The following NUBP1 variants were observed in gnomAD, a reference collection of about 807,000 sequenced individuals.
NUBP1 encodes the protein cytosolic Fe-S cluster assembly factor NUBP1.
Under a neutral mutation model 41.8 loss-of-function variants are expected in NUBP1, and 46 were observed. The observed-to-expected ratio is 1.10, with a 90% CI of 0.87 to 1.41. The LOEUF is 1.41. Among genes scored for constraint, NUBP1 ranks in the 40% most tolerant of loss-of-function variants. The probability of loss-of-function intolerance (pLI) is 0.00; values close to 1 mark genes in which losing one functional copy is unlikely to be tolerated. For missense variants in NUBP1, 494 were observed against 414.0 expected, an observed-to-expected ratio of 1.19 and a Z score of -1.68; for synonymous variants, 189 against 154.6, an observed-to-expected ratio of 1.22 and a Z score of -1.65.
intron 2 of NUBP1, 23 bp downstream of exon 2, chr16:10,744,088 A>G (rs374218615): frequency 2.7e-5 from 41 of 1,517,498 alleles, no homozygotes; most frequent in Admixed American, 4.5e-5. Flanking sequence ...CAAGGCCTCA[A>G]CAGGAACTTA....
In NUBP1 at chr16:10,765,324, T is replaced by C. The variant is rs975321156; in HGVS notation, c.821-2625T>C. On this transcript the variant is annotated intron_variant, in intron 9 of 10. Transcript: ENST00000283027. This position sits in a 1 kb window ranked among gnomAD's most constrained non-coding sequence, Gnocchi z 4.0. ...GGGTAACACAGGAAGATACCTCATC[T>C]CTTAAAAAAAAAAAAAAAAAAAAAA... 8.7e-6 allele frequency among the ~76,000 whole-genome samples: 1 copy of C among 114,554 alleles called. No homozygotes were observed. The highest frequency in any genetic ancestry group is 2.4e-4 in the East Asian group (1 of 4,100). 75.2% of individuals were successfully genotyped at this position (114,554 alleles called of 152,430 possible). A position where few individuals can be genotyped will look rare whatever the true frequency, so the allele number is the denominator to read the frequency against.
At position 10,749,126 on chromosome 16, in the gene NUBP1, T is replaced by TACACACACACACACACACACACAC. The variant is rs58201009; in HGVS notation, c.258+1871_258+1894dup. ...GGATATAGATAGATACACAGACACA[T>TACACACACACACACACACACACAC]ACACACACACACACACACACACACA... is the stretch of plus-strand genomic sequence containing the variant. On this transcript the variant is annotated intron_variant, in intron 3 of 10. Coordinates refer to ENST00000283027, the MANE Select transcript of NUBP1 (RefSeq NM_002484.4). This position sits in a 1 kb window ranked among gnomAD's most constrained non-coding sequence, Gnocchi z 4.1. Among the ~76,000 whole-genome samples, 1 of 121,020 alleles carries TACACACACACACACACACACACAC rather than the reference T, an allele frequency of 8.3e-6. No homozygotes were observed. Among genetic ancestry groups the TACACACACACACACACACACACAC allele is most frequent in the African/African-American group, 3.1e-5 (1 of 32,138 alleles). 79.4% of individuals were successfully genotyped at this position (121,020 alleles called of 152,430 possible).
intron 3 of NUBP1, among the ~76,000 whole-genome samples, chr16:10,748,566 A>C (rs1900166002): frequency 6.6e-6 from 1 of 152,088 alleles, no homozygotes; most frequent in Non-Finnish European, 1.5e-5. Context: ...TACCAGGCTT[A>C]CTCTGCCTCC....
At chr16:10,758,137 G>A in intron 7 of NUBP1, 110 bp downstream of exon 7, 2 of 1,270,888 alleles carry the variant, frequency 1.6e-6, no homozygotes, top group Non-Finnish European at 2.2e-6. Flanking sequence ...CCCAGTGTGT[G>A]TTCCGCAGCT....
intron 3 of NUBP1, among the ~76,000 whole-genome samples, chr16:10,747,898 G>T (rs1408643226): frequency 6.6e-6 from 1 of 152,170 alleles, no homozygotes; most frequent in Non-Finnish European, 1.5e-5. Flanking sequence ...GCCAAATCCA[G>T]CCCATCTCCT....
At position 10,766,650 on chromosome 16, in the gene NUBP1, C is replaced by CA. The variant is rs1269076085; in HGVS notation, c.821-1293dup. 1 of 262,982 alleles carries CA rather than the reference C, an allele frequency of 3.8e-6. No homozygotes were observed. The highest frequency in any genetic ancestry group is 5.5e-5 in the Admixed American group (1 of 18,330). The allele number at this position is 262,982 out of a possible 1,614,324, so 16.3% of individuals were successfully genotyped here. ...ATGTCCAGGTTCTTGGTGTCTGGAA[C>CA]AAAAAATTGGACAAAACGCACAAAG... is the stretch of plus-strand genomic sequence containing the variant. On this transcript the variant is annotated intron_variant, in intron 9 of 10. Transcript: ENST00000283027. This position sits in a 1 kb window ranked among gnomAD's most constrained non-coding sequence, Gnocchi z 4.8.
Position 10,756,587 on chromosome 16 carries a change from A to C in NUBP1, c.361-103A>C, listed in dbSNP as rs181915078. 2.0e-4 allele frequency: 146 copies of C among 748,404 alleles called. 1 individual carries two copies. In the African/African-American group the frequency reaches 2.5e-3, roughly 13 times the overall value. The allele number at this position is 748,404 out of a possible 1,614,324, so 46.4% of individuals were successfully genotyped here. A position where few individuals can be genotyped will look rare whatever the true frequency, so the allele number is the denominator to read the frequency against. ...AGGTCACATGGTAGTTTTGTCCTGA[A>C]AATGTTTTTTTCAGTCAGAGCTCAA... is the stretch of plus-strand genomic sequence containing the variant. On this transcript the variant is annotated intron_variant, in intron 5 of 10. Coordinates refer to ENST00000283027, the MANE Select transcript of NUBP1 (RefSeq NM_002484.4).
At chr16:10,747,467 C>G (rs868412746) in intron 3 of NUBP1, among the ~76,000 whole-genome samples, 191 bp downstream of exon 3, 1 of 152,356 alleles carries the variant, frequency 6.6e-6, no homozygotes, top group Middle Eastern at 3.4e-3. Flanking sequence ...AACCTTGTCT[C>G]TACTAAAAAT....
At chr16:10,762,404 T>G (rs1448883663) in intron 9 of NUBP1, among the ~76,000 whole-genome samples, 20 of 152,168 alleles carry the variant, frequency 1.3e-4, no homozygotes, top group Non-Finnish European at 1.5e-5. Context: ...AGATGCCCAC[T>G]CCCTGAGTGG....
intron 3 of NUBP1, among the ~76,000 whole-genome samples, 152 bp from the exon 4 acceptor site, chr16:10,752,456 ACT>A (rs1900363158): frequency 6.6e-6 from 1 of 151,548 alleles, no homozygotes; most frequent in South Asian, 2.1e-4. Context: ...CAGCGTTAGG[ACT>A]CTCCCTCAGG....
At chr16:10,764,610 G>A (rs2142796527) in intron 9 of NUBP1, among the ~76,000 whole-genome samples, 1 of 151,114 alleles carries the variant, frequency 6.6e-6, no homozygotes, top group Admixed American at 6.6e-5. Flanking sequence ...TCAGTCTGCT[G>A]GAGTATGTCA....
chr16:10,744,516 G>A (rs1367604153), intron 2 of NUBP1, among the ~76,000 whole-genome samples: 2 of 152,184 alleles, frequency 1.3e-5, no homozygotes, highest in African/African-American at 4.8e-5. Context: ...CACTCATTCA[G>A]CAGAAATGTG....
intron 3 of NUBP1, among the ~76,000 whole-genome samples, chr16:10,748,641 C>T (rs373846426): frequency 3.9e-5 from 6 of 152,252 alleles, no homozygotes; most frequent in Admixed American, 1.3e-4. Context: ...GCACTTAGCA[C>T]GGGGCCCGAC....
In NUBP1 at chr16:10,769,254, C is replaced by CTT. The variant is rs2031349016; in HGVS notation, c.*151_*152dup. The CTT allele has an allele frequency of 3.2e-6, 2 of 630,836 alleles. No individual in the cohort carries two copies. The highest frequency in any genetic ancestry group is 2.8e-5 in the Admixed American group (1 of 35,380). The allele number at this position is 630,836 out of a possible 1,614,324, so 39.1% of individuals were successfully genotyped here. ...GTCCGAAGCCACTTTCTCAGAGACACTTTAATCATTGAGTATTTGTACACT... is the reference window on the plus strand; with the variant it reads ...GTCCGAAGCCACTTTCTCAGAGACACTTTTTAATCATTGAGTATTTGTACACT... On this transcript the variant is annotated 3_prime_UTR_variant, in exon 11 of 11. Transcript: ENST00000283027.
At chr16:10,762,648 C>T (rs2030134756) in intron 9 of NUBP1, among the ~76,000 whole-genome samples, 1 of 152,216 alleles carries the variant, frequency 6.6e-6, no homozygotes, top group African/African-American at 2.4e-5. Context: ...AGAGAGAAGG[C>T]TGGAGGGGAG....
Position 10,769,037 on chromosome 16 carries a change from T to C in NUBP1, c.905-10T>C. 1.2e-6 allele frequency: 2 copies of C among 1,614,010 alleles called. No homozygotes were observed. Among genetic ancestry groups the C allele is most frequent in the Non-Finnish European group, 8.5e-7 (1 of 1,179,892 alleles). On this transcript the variant is annotated splice_polypyrimidine_tract_variant and intron_variant, in intron 10 of 10. Transcript: ENST00000283027. ...CATTAGCACTCTATGCCTGTCGTCT[T>C]GTTTTCCAGGAATCCAAGAGTTTTG...
At chr16:10,746,263 T>A (rs755828096) in intron 2 of NUBP1, among the ~76,000 whole-genome samples, 13 of 152,238 alleles carry the variant, frequency 8.5e-5, no homozygotes, top group South Asian at 6.2e-4. Flanking sequence ...TGAAATAAGA[T>A]AGTTTCATTG....
chr16:10,763,084 C>T (rs916696863), intron 9 of NUBP1, among the ~76,000 whole-genome samples: 3 of 152,018 alleles, frequency 2.0e-5, no homozygotes, highest in Non-Finnish European at 4.4e-5. Context: ...TCCCTGCTGC[C>T]AGTACAAGTC....
Position 10,743,995 on chromosome 16 carries a change from A to C in NUBP1, c.54A>C (p.Arg18Ser), listed in dbSNP as rs1239031671. The C allele has an allele frequency of 6.3e-7, 1 of 1,583,068 alleles. No individual in the cohort carries two copies. The highest frequency in any genetic ancestry group is 1.2e-5 in the South Asian group (1 of 86,826). Residue 18 changes from arginine (R) to serine (S), a missense_variant, in exon 2 of 11, where the codon AGA becomes AGC. Arg to Ser is a moderately radical substitution (Grantham distance 110). Transcript: ENST00000283027. ...GGGCCGACAGCGCCCAGGCGGGCAG[A>C]GGGGCTTCATGTCAGGGATGCCCCA... ...CPGADSAQAG[R>S]GASCQGCPNQ...
Sources: gnomAD v4.1 joint callset for allele counts (sites outside exome capture counted in the v4.1 genomes callset) on GRCh38, gnomAD v4.1.1 for gene constraint, Gnocchi (gnomAD v3.1) non-coding constraint, MANE v1.5 for transcripts, NCBI Gene and HGNC (gene_info 2026-07-23, HGNC 2026-07-21) for gene names.